Variants in TMEM67 observed in about 807,000 individuals in gnomAD.
TMEM67 encodes the protein meckelin.
Under a neutral mutation model 136.6 loss-of-function variants are expected in TMEM67, and 124 were observed. That is an observed-to-expected ratio of 0.91 (90% CI 0.78 to 1.05). The LOEUF (loss-of-function observed/expected upper bound fraction) is 1.05. Ranked by LOEUF, TMEM67 falls within the 50% of genes least tolerant of loss-of-function variation. The pLI is 0.00. For synonymous variants in TMEM67, 364 were observed against 390.5 expected, an observed-to-expected ratio of 0.93 and a Z score of 0.80; for missense variants, 1,107 against 1,178.4, an observed-to-expected ratio of 0.94 and a Z score of 0.89.
chr8:93,781,465 T>C (rs1480017571), intron 9 of TMEM67, among the ~76,000 whole-genome samples, 193 bp from the exon 10 acceptor site: 1 of 152,030 alleles, frequency 6.6e-6, no homozygotes, highest in Non-Finnish European at 1.5e-5. Flanking sequence ...AGAATAATAA[T>C]TTTCATGCAA....
In TMEM67 at chr8:93,797,176, G is replaced by C. The variant is rs1814656494; in HGVS notation, c.1903G>C (p.Asp635His). ...LHKLISQITIDVFFIDWERPK... is the reference protein window; with the variant it reads ...LHKLISQITIHVFFIDWERPK... ...TAAGCTCATATCCCAGATTACAATA[G>C]ATGTATTCTTTATTGATTGGGAGCG... The change falls in exon 19 of 28, where the codon GAT (aspartate) becomes CAT (histidine). Residue 635 changes from aspartate to histidine, a missense_variant. Coordinates refer to ENST00000453321, the MANE Select transcript of TMEM67 (RefSeq NM_153704.6). 2 of 1,612,624 alleles carry C rather than the reference G, an allele frequency of 1.2e-6. No individual in the cohort carries two copies. The highest frequency in any genetic ancestry group is 1.7e-5 in the Admixed American group (1 of 60,000).
At chr8:93,812,853 C>A (rs944593253) in intron 26 of TMEM67, among the ~76,000 whole-genome samples, 6 of 152,212 alleles carry the variant, frequency 3.9e-5, no homozygotes, top group African/African-American at 1.4e-4. Flanking sequence ...TCTCCTGCCT[C>A]AGCCTCCCAG....
At chr8:93,811,539 A>T (rs546770351) in intron 26 of TMEM67, among the ~76,000 whole-genome samples, 25 of 151,892 alleles carry the variant, frequency 1.6e-4, no homozygotes, top group Non-Finnish European at 3.2e-4. Flanking sequence ...TCCAAAAAAA[A>T]TTTTTTTTTA....
intron 11 of TMEM67, among the ~76,000 whole-genome samples, chr8:93,784,549 G>A (rs1392938532): frequency 6.6e-6 from 1 of 152,214 alleles, no homozygotes; most frequent in Non-Finnish European, 1.5e-5. Context: ...AATGTGATAA[G>A]TGTCATTCTA....
the TMEM67 span, among the ~76,000 whole-genome samples, chr8:93,827,367 TC>T: frequency 2.0e-5 from 3 of 152,032 alleles, no homozygotes; most frequent in Admixed American, 6.6e-5. Flanking sequence ...ATTCTCCCCT[TC>T]TTCATTTTAT....
At chr8:93,799,849 A>G in intron 21 of TMEM67, 91 bp downstream of exon 21, 2 of 1,058,074 alleles carry the variant, frequency 1.9e-6, no homozygotes, top group South Asian at 2.6e-5. Context: ...TATTGACCAC[A>G]TCCTTCTTTC....
At chr8:93,786,418 T>C in intron 13 of TMEM67, 72 bp downstream of exon 13, 4 of 1,539,384 alleles carry the variant, frequency 2.6e-6, no homozygotes, top group South Asian at 2.2e-5. Context: ...CATTAGTAGA[T>C]GAAAACAATA....
At chr8:93,788,699 T>A (rs920837969) in intron 14 of TMEM67, among the ~76,000 whole-genome samples, 1 of 152,194 alleles carries the variant, frequency 6.6e-6, no homozygotes, top group Admixed American at 6.5e-5. Context: ...AAAGAGATGA[T>A]GATTATCAGC....
At position 93,788,518 on chromosome 8, in the gene TMEM67, C is replaced by T. The variant is rs552548496; in HGVS notation, c.1518+569C>T. Among the ~76,000 whole-genome samples the T allele has an allele frequency of 3.5e-4, 54 of 152,226 alleles. 1 individual carries two copies. The South Asian group carries it at 3.7e-3, about 11-fold the overall frequency. ...GCGAAGGTGTAGTGAGCCGAGATCG[C>T]GCCACTGCACTCCAGCCTGGGCGAA... On this transcript the variant is annotated intron_variant, in intron 14 of 27. Transcript: ENST00000453321.
At position 93,786,351 on chromosome 8, in the gene TMEM67, A is replaced by G; in HGVS notation, c.1412+5A>G. 1 of 1,613,516 alleles carries G rather than the reference A, an allele frequency of 6.2e-7. No individual in the cohort carries two copies. Among genetic ancestry groups the G allele is most frequent in the South Asian group, 1.1e-5 (1 of 91,062 alleles). On this transcript the variant is annotated splice_donor_5th_base_variant and intron_variant, in intron 13 of 27. Coordinates refer to ENST00000453321, the MANE Select transcript of TMEM67 (RefSeq NM_153704.6). ...TGCTACTCAAATATCACTGAGGTAA[A>G]CAAATGTCTAATGATATTATTTATG... is the stretch of plus-strand genomic sequence containing the variant.
intron 6 of TMEM67, among the ~76,000 whole-genome samples, chr8:93,771,923 C>A (rs1166099741): frequency 6.6e-6 from 1 of 152,170 alleles, no homozygotes; most frequent in African/African-American, 2.4e-5. Context: ...TTAGTTATAT[C>A]ACTTACGTGT....
intron 22 of TMEM67, among the ~76,000 whole-genome samples, chr8:93,804,381 C>T (rs3134032): frequency 0.56 from 75,845 of 136,474 alleles, 21,509 homozygotes; most frequent in East Asian, 0.84. Context: ...GTCGTGCAGT[C>T]GTAGCTTACT....
In TMEM67 at chr8:93,795,949, C is replaced by G. The variant is rs142283122; in HGVS notation, c.1822C>G (p.Arg608Gly). 3.9e-5 allele frequency: 63 copies of G among 1,613,472 alleles called. No individual in the cohort carries two copies. In the African/African-American group the frequency reaches 6.0e-4, roughly 15 times the overall value. Residue 608 changes from arginine (R) to glycine (G), a missense_variant, in exon 18 of 28, where the codon CGT becomes GGT. Physicochemically the swap from Arg to Gly is moderately radical, Grantham distance 125. This residue lies in a region of TMEM67 where 925 missense variants were observed against 1,002.4 expected (regional missense o/e 0.92). Transcript: ENST00000453321. ...GCTGCCAATGCCAATTCAGGAAGAA[C>G]GTTTTGTCACTTATGTTGGATGTGC... ...VLLPMPIQEERFVTYVGCAFA... is the reference protein window; with the variant it reads ...VLLPMPIQEEGFVTYVGCAFA...
intron 26 of TMEM67, among the ~76,000 whole-genome samples, chr8:93,814,849 G>A (rs1442990675): frequency 2.0e-5 from 3 of 152,084 alleles, no homozygotes; most frequent in East Asian, 1.9e-4. Context: ...CTGGTGGAGT[G>A]AGAAGAGGTC....
chr8:93,829,396 G>T, the TMEM67 span, among the ~76,000 whole-genome samples: 5 of 152,010 alleles, frequency 3.3e-5, no homozygotes, highest in Non-Finnish European at 7.4e-5. Context: ...GTGTGTGTGT[G>T]TGTGTGTGTG....
In TMEM67 at chr8:93,765,578, G is replaced by A. The variant is rs756284216; in HGVS notation, c.583G>A (p.Gly195Arg). ...CCCTCATTTATTTATGAAGACAGGG[G>A]GATTATGTTTCAGCAGCACAGGGAA... ...ACSEPNILTG[G>R]LCFSSTGNFP... The change falls in exon 6 of 28, where the codon GGA (glycine) becomes AGA (arginine). Residue 195 changes from glycine (G) to arginine (R), a missense_variant. By Grantham distance (125) the Gly-to-Arg change is moderately radical (BLOSUM62 -2). Transcript: ENST00000453321. 1 of 1,612,092 alleles carries A rather than the reference G, an allele frequency of 6.2e-7. No individual in the cohort carries two copies.
chr8:93,819,137 A>C (rs1809001249), downstream of TMEM67: 2 of 453,030 alleles, frequency 4.4e-6, no homozygotes, highest in Non-Finnish European at 8.8e-6. Context: ...TTTAACATTG[A>C]GTAAACTATG....
At chr8:93,775,040 AT>A (rs956271925) in intron 7 of TMEM67, among the ~76,000 whole-genome samples, 1 of 152,152 alleles carries the variant, frequency 6.6e-6, no homozygotes, top group African/African-American at 2.4e-5. Context: ...CTTTTTAATG[AT>A]CACCATTTTA....
intron 2 of TMEM67, among the ~76,000 whole-genome samples, chr8:93,758,133 G>A (rs530469144): frequency 1.4e-4 from 21 of 152,132 alleles, no homozygotes; most frequent in South Asian, 2.1e-4. Context: ...TTAACTGACC[G>A]TTGATTCAAT....
Sources: gnomAD v4.1 joint callset for allele counts (sites outside exome capture counted in the v4.1 genomes callset) on GRCh38, gnomAD v4.1.1 for gene constraint, gnomAD v4.1.1 regional missense constraint, MANE v1.5 for transcripts, NCBI Gene and HGNC (gene_info 2026-07-23, HGNC 2026-07-21) for gene names.